The following GLB1L3 variants were observed in gnomAD, a reference collection of about 807,000 sequenced individuals.
GLB1L3 encodes beta-galactosidase-1-like protein 3.
Under a neutral mutation model 89.5 loss-of-function variants are expected in GLB1L3, and 89 were observed. That is an observed-to-expected ratio of 0.99 (90% CI 0.84 to 1.19). The LOEUF (loss-of-function observed/expected upper bound fraction) is 1.19, where lower values mean the gene tolerates loss of function less well. Ranked by LOEUF, GLB1L3 falls within the 50% of genes most tolerant of loss-of-function variation. GLB1L3 has a pLI of 0.00. For synonymous variants in GLB1L3, 314 were observed against 312.3 expected, an observed-to-expected ratio of 1.01 and a Z score of -0.06; for missense variants, 812 against 813.3, an observed-to-expected ratio of 1.00 and a Z score of 0.02.
At chr11:134,323,248 C>T (rs1042977723), downstream of GLB1L3, among the ~76,000 whole-genome samples, 2 of 152,170 alleles carry the variant, frequency 1.3e-5, no homozygotes, top group Non-Finnish European at 2.9e-5. Flanking sequence ...TGGCTGGGCG[C>T]GGTGGCTTAT....
intron 6 of GLB1L3, among the ~76,000 whole-genome samples, chr11:134,284,122 C>T (rs531464826): frequency 6.6e-6 from 1 of 152,318 alleles, no homozygotes; most frequent in African/African-American, 2.4e-5. Flanking sequence ...GCTTGCCAAT[C>T]TTCCCATTGC....
chr11:134,284,171 T>C (rs1940856896), intron 6 of GLB1L3, among the ~76,000 whole-genome samples: 1 of 152,170 alleles, frequency 6.6e-6, no homozygotes. Flanking sequence ...ACTCAGAAGG[T>C]ACAAATGAAT....
intron 6 of GLB1L3, among the ~76,000 whole-genome samples, chr11:134,285,051 C>A (rs1940907052): frequency 6.6e-6 from 1 of 151,448 alleles, no homozygotes; most frequent in Non-Finnish European, 1.5e-5. Context: ...GCCTCAGCCT[C>A]CCAAGTAGCT....
Position 134,276,658 on chromosome 11 carries a change from G to T in GLB1L3, c.-83G>T. ...AGCCTGCCCCGCGGAACCGGGGCTC[G>T]AGTCCCGGCCCGAGCGCGGCGTCGG... On this transcript the variant is annotated 5_prime_UTR_variant, in exon 1 of 20. Coordinates refer to ENST00000431683, the MANE Select transcript of GLB1L3 (RefSeq NM_001080407.3). The T allele has an allele frequency of 8.0e-7, 1 of 1,253,092 alleles. No homozygotes were observed. The highest frequency in any genetic ancestry group is 1.0e-6 in the Non-Finnish European group (1 of 972,774). 77.6% of individuals were successfully genotyped at this position (1,253,092 alleles called of 1,614,324 possible). A position where few individuals can be genotyped will look rare whatever the true frequency, so the allele number is the denominator to read the frequency against.
At chr11:134,313,077 G>A (rs1056281056) in intron 15 of GLB1L3, among the ~76,000 whole-genome samples, 190 bp downstream of exon 15, 1 of 152,134 alleles carries the variant, frequency 6.6e-6, no homozygotes, top group Non-Finnish European at 1.5e-5. Flanking sequence ...AGGAGCTACC[G>A]CATGTGTGCT....
intron 9 of GLB1L3, among the ~76,000 whole-genome samples, chr11:134,304,451 G>A (rs1472254898): frequency 6.6e-6 from 1 of 152,110 alleles, no homozygotes; most frequent in Non-Finnish European, 1.5e-5. Flanking sequence ...AGGGACACAA[G>A]TTATGTGTAA....
At chr11:134,301,229 T>A (rs892739203) in intron 9 of GLB1L3, among the ~76,000 whole-genome samples, 1 of 152,184 alleles carries the variant, frequency 6.6e-6, no homozygotes, top group Non-Finnish European at 1.5e-5. Flanking sequence ...CTAGGTTCTC[T>A]GATGGACCCA....
chr11:134,311,019 G>A, intron 12 of GLB1L3, 45 bp from the exon 13 acceptor site: 7 of 1,380,030 alleles, frequency 5.1e-6, no homozygotes, highest in African/African-American at 1.4e-5. Context: ...AGAAGGCAGT[G>A]GTCATCTCAG....
intron 3 of GLB1L3, among the ~76,000 whole-genome samples, chr11:134,280,777 C>T (rs1235691271): frequency 5.3e-5 from 8 of 152,148 alleles, no homozygotes. Flanking sequence ...GTAATAAAAA[C>T]CACAGGGCTT....
At chr11:134,305,913 A>G (rs973925265) in intron 9 of GLB1L3, among the ~76,000 whole-genome samples, 3 of 152,164 alleles carry the variant, frequency 2.0e-5, no homozygotes, top group Non-Finnish European at 4.4e-5. Context: ...CCCTAATATT[A>G]CTATTAGTAT....
At chr11:134,297,933 G>T (rs11223751) in intron 9 of GLB1L3, among the ~76,000 whole-genome samples, 4 of 150,340 alleles carry the variant, frequency 2.7e-5, no homozygotes, top group African/African-American at 9.7e-5. Context: ...AACCTGACAC[G>T]ACTAATCATA....
intron 6 of GLB1L3, among the ~76,000 whole-genome samples, chr11:134,288,289 C>T (rs1022287609): frequency 6.6e-6 from 1 of 152,112 alleles, no homozygotes; most frequent in Non-Finnish European, 1.5e-5. Context: ...GGGAACATTC[C>T]TGGGCCTCTG....
chr11:134,291,339 C>T (rs995757452), intron 7 of GLB1L3, among the ~76,000 whole-genome samples: 3 of 150,802 alleles, frequency 2.0e-5, no homozygotes, highest in African/African-American at 7.4e-5. Context: ...CGGTTCATTG[C>T]AACCTCTACC....
intron 9 of GLB1L3, among the ~76,000 whole-genome samples, chr11:134,306,334 G>C (rs1462256040): frequency 6.6e-6 from 1 of 152,182 alleles, no homozygotes; most frequent in Non-Finnish European, 1.5e-5. Context: ...TAATTGTGTT[G>C]ATAGCCAGAC....
At chr11:134,305,726 G>T (rs1315812056) in intron 9 of GLB1L3, among the ~76,000 whole-genome samples, 2 of 152,052 alleles carry the variant, frequency 1.3e-5, no homozygotes, top group Non-Finnish European at 2.9e-5. Flanking sequence ...ACAAAATAGA[G>T]TAGTAAAAAG....
At chr11:134,304,023 C>T (rs75213019) in intron 9 of GLB1L3, among the ~76,000 whole-genome samples, 1 of 152,196 alleles carries the variant, frequency 6.6e-6, no homozygotes, top group Non-Finnish European at 1.5e-5. Context: ...TGCAGTTGAA[C>T]TATGTCTCTT....
chr11:134,310,527 C>T (rs1354154576), intron 11 of GLB1L3, 44 bp from the exon 12 acceptor site: 2 of 1,500,474 alleles, frequency 1.3e-6, no homozygotes, highest in Non-Finnish European at 9.2e-7. Flanking sequence ...ACAGGGCCTC[C>T]TGCAGAGACT....
chr11:134,301,343 T>A (rs1283876043), intron 9 of GLB1L3, among the ~76,000 whole-genome samples: 22 of 152,200 alleles, frequency 1.4e-4, no homozygotes, highest in Non-Finnish European at 8.8e-5. Context: ...GAAGTCTGTT[T>A]CCTTCTGAGT....
intron 9 of GLB1L3, among the ~76,000 whole-genome samples, chr11:134,306,091 A>G (rs1014914691): frequency 1.3e-5 from 2 of 152,176 alleles, no homozygotes; most frequent in African/African-American, 4.8e-5. Context: ...ATATGTCCAG[A>G]TGAAAAGTGT....
Sources: gnomAD v4.1 joint callset for allele counts (sites outside exome capture counted in the v4.1 genomes callset) on GRCh38, gnomAD v4.1.1 for gene constraint, MANE v1.5 for transcripts, NCBI Gene and HGNC (gene_info 2026-07-23, HGNC 2026-07-21) for gene names.